TCF4: variants seen among roughly 807,000 people sequenced by gnomAD.
TCF4 encodes the protein SL3-3 enhancer factor 2.
In TCF4, 3 loss-of-function variants were observed where a neutral mutation model predicts 82.1. That is an observed-to-expected ratio of 0.04 (90% CI 0.02 to 0.09). The LOEUF is 0.09. TCF4 is among the 10% of genes least tolerant of loss of function. The pLI, the probability that TCF4 is intolerant of heterozygous loss-of-function variation, is 1.00. For missense variants in TCF4, 518 were observed against 852.7 expected (o/e 0.61, Z 4.89); for synonymous variants, 276 against 309.6 (o/e 0.89, Z 1.14).
intron 8 of TCF4, among the ~76,000 whole-genome samples, chr18:55,289,179 T>C (rs2064416211): frequency 6.6e-6 from 1 of 152,190 alleles, no homozygotes; most frequent in Non-Finnish European, 1.5e-5. Flanking sequence ...TGCCTAAAAT[T>C]TGGTCCAGGT....
chr18:55,548,581 T>C (rs1225749265), intron 3 of TCF4, among the ~76,000 whole-genome samples: 4 of 152,236 alleles, frequency 2.6e-5, no homozygotes, highest in Admixed American at 1.3e-4. Context: ...TGTGGATACA[T>C]TCTGAGAAAT....
intron 8 of TCF4, among the ~76,000 whole-genome samples, chr18:55,317,116 T>C (rs914020383): frequency 1.3e-5 from 2 of 152,044 alleles, no homozygotes; most frequent in Non-Finnish European, 2.9e-5. Flanking sequence ...AAAATCAACA[T>C]AATTTTGTTT....
At chr18:55,550,873 T>A (rs190125481) in intron 3 of TCF4, 228 of 152,266 alleles carry the variant, frequency 1.5e-3, no homozygotes, top group African/African-American at 5.0e-3. Context: ...TGCATGGTTC[T>A]GAAAGAAATG....
intron 5 of TCF4, among the ~76,000 whole-genome samples, chr18:55,443,961 A>T (rs2095483832): frequency 6.6e-6 from 1 of 152,206 alleles, no homozygotes; most frequent in Admixed American, 6.5e-5. Flanking sequence ...CAACACAGAG[A>T]TGAGGAAACT....
At chr18:55,399,463 T>G (rs144591561) in intron 6 of TCF4, among the ~76,000 whole-genome samples, 2 of 152,108 alleles carry the variant, frequency 1.3e-5, no homozygotes, top group Non-Finnish European at 2.9e-5. Context: ...GAAAAAGAAT[T>G]TGGATGAGGT....
intron 5 of TCF4, among the ~76,000 whole-genome samples, chr18:55,441,865 C>T (rs962897612): frequency 4.6e-5 from 7 of 152,260 alleles, no homozygotes; most frequent in African/African-American, 1.4e-4. Context: ...GTGTGCTGCC[C>T]TATTCTCCAA....
rs17522826 is a variant in TCF4 at position 55,403,683 on chromosome 18, G to A, written c.305-165C>T. On this transcript the variant is annotated intron_variant, in intron 5 of 19. Coordinates refer to ENST00000354452, the MANE Select transcript of TCF4 (RefSeq NM_001083962.2). ...GAGGGAATAACACTTCCTCACTCTG[G>A]CTATGATAAACTGGAAAAAAATATC... The A allele has an allele frequency of 0.19, 297,579 of 1,557,378 alleles. 31,698 individuals carry two copies. The highest frequency in any genetic ancestry group is 0.47 in the East Asian group (19,907 of 41,922).
chr18:55,571,917 G>A (rs1299321759), intron 3 of TCF4, among the ~76,000 whole-genome samples: 1 of 147,870 alleles, frequency 6.8e-6, no homozygotes, highest in East Asian at 2.0e-4. Context: ...GAAACTCTCT[G>A]TGTCCCTCCC....
chr18:55,426,688 C>G (rs1210161320), intron 5 of TCF4, among the ~76,000 whole-genome samples: 1 of 152,116 alleles, frequency 6.6e-6, no homozygotes, highest in Non-Finnish European at 1.5e-5. Context: ...CATGTAAGTA[C>G]AAAAACTTTT....
chr18:55,515,820 C>A (rs891357099), intron 3 of TCF4, among the ~76,000 whole-genome samples: 1 of 151,682 alleles, frequency 6.6e-6, no homozygotes, highest in Non-Finnish European at 1.5e-5. Flanking sequence ...GGGGGGTGGG[C>A]GTATTTAAAT....
intron 2 of TCF4, 146 bp downstream of exon 2, chr18:55,586,899 T>C: frequency 1.4e-6 from 1 of 706,028 alleles, no homozygotes; most frequent in South Asian, 1.6e-5. Context: ...TAAAAACTTG[T>C]CAAAAAGACC....
intron 8 of TCF4, among the ~76,000 whole-genome samples, chr18:55,310,331 G>GTGCCC (rs1211757196): frequency 6.6e-6 from 1 of 152,180 alleles, no homozygotes; most frequent in East Asian, 1.9e-4. Flanking sequence ...TGCCATTCCC[G>GTGCCC]TGCCCAGCCT....
intron 3 of TCF4, among the ~76,000 whole-genome samples, chr18:55,562,118 G>A (rs1439033074): frequency 6.6e-6 from 1 of 152,132 alleles, no homozygotes; most frequent in Non-Finnish European, 1.5e-5. Flanking sequence ...TTTCTTTGCT[G>A]TCTATAACTG....
chr18:55,602,726 G>A (rs902703531), intron 2 of TCF4, among the ~76,000 whole-genome samples: 6 of 152,124 alleles, frequency 3.9e-5, no homozygotes, highest in African/African-American at 9.7e-5. Flanking sequence ...TTTAGATGTT[G>A]TCTATCTTAG....
At chr18:55,423,160 AAGC>A (rs1478357615) in intron 5 of TCF4, among the ~76,000 whole-genome samples, 1 of 122,800 alleles carries the variant, frequency 8.1e-6, no homozygotes, top group African/African-American at 4.1e-5. Context: ...TATACAATAG[AAGC>A]AGTTCTTAAT....
At chr18:55,294,009 C>T (rs1259591583) in intron 8 of TCF4, among the ~76,000 whole-genome samples, 1 of 128,340 alleles carries the variant, frequency 7.8e-6, no homozygotes, top group South Asian at 2.5e-4. Context: ...CCTGTAATCC[C>T]AGGACTTTGG....
intron 3 of TCF4, among the ~76,000 whole-genome samples, chr18:55,575,575 A>AT (rs2097521853): frequency 2.0e-5 from 3 of 150,966 alleles, no homozygotes; most frequent in Non-Finnish European, 1.5e-5. Context: ...CTTTGTCATA[A>AT]ATTTTTTTTT....
intron 8 of TCF4, among the ~76,000 whole-genome samples, chr18:55,314,781 T>C (rs963527180): frequency 2.0e-5 from 3 of 151,990 alleles, no homozygotes; most frequent in Admixed American, 6.6e-5. Flanking sequence ...TAAACTTTAT[T>C]GGGCTACAGT....
chr18:55,451,461 C>A (rs998993909), intron 5 of TCF4, among the ~76,000 whole-genome samples: 4 of 152,234 alleles, frequency 2.6e-5, no homozygotes, highest in African/African-American at 9.6e-5. Context: ...AAGAATTATG[C>A]TGAAGTGACC....
Sources: gnomAD v4.1 joint callset for allele counts (sites outside exome capture counted in the v4.1 genomes callset) on GRCh38, gnomAD v4.1.1 for gene constraint, MANE v1.5 for transcripts, NCBI Gene and HGNC (gene_info 2026-07-23, HGNC 2026-07-21) for gene names.